Variants in MGAT4A observed in about 807,000 individuals in gnomAD.
MGAT4A encodes the protein alpha-1,3-mannosyl-glycoprotein 4-beta-N-acetylglucosaminyltransferase A, also known as N-acetylglucosaminyltransferase IVa.
A neutral mutation model predicts 74.1 loss-of-function variants in MGAT4A; 33 were observed. The observed-to-expected ratio is 0.45, with a 90% CI of 0.34 to 0.60. The LOEUF (loss-of-function observed/expected upper bound fraction) is 0.60, where lower values mean the gene tolerates loss of function less well. Ranked by LOEUF, MGAT4A falls within the 20% of genes least tolerant of loss-of-function variation. The pLI is 0.02. For synonymous variants in MGAT4A, 198 were observed against 210.4 expected, an observed-to-expected ratio of 0.94 and a Z score of 0.51; for missense variants, 479 against 628.3, an observed-to-expected ratio of 0.76 and a Z score of 2.54.
intron 8 of MGAT4A, among the ~76,000 whole-genome samples, chr2:98,653,304 A>C (rs1479012400): frequency 6.6e-6 from 1 of 151,128 alleles, no homozygotes; most frequent in Non-Finnish European, 1.5e-5. Flanking sequence ...GAAGGGAGAA[A>C]AAAAAATAAA....
intron 4 of MGAT4A, among the ~76,000 whole-genome samples, chr2:98,672,927 T>C (rs867727906): frequency 6.6e-6 from 1 of 152,214 alleles, no homozygotes; most frequent in Admixed American, 6.5e-5. Flanking sequence ...TTAAATCATA[T>C]TCAGTTTGTT....
At chr2:98,665,333 C>CA (rs3067257) in intron 4 of MGAT4A, among the ~76,000 whole-genome samples, 47,540 of 114,818 alleles carry the variant, frequency 0.41, 11,359 homozygotes, top group Non-Finnish European at 0.5. Flanking sequence ...CATCTCATCT[C>CA]AAAAAAAAAA....
chr2:98,724,042 A>G (rs762640660), intron 2 of MGAT4A, among the ~76,000 whole-genome samples: 1 of 152,216 alleles, frequency 6.6e-6, no homozygotes, highest in Non-Finnish European at 1.5e-5. Context: ...TATTGTTTCT[A>G]TCTAACTCTA....
intron 14 of MGAT4A, among the ~76,000 whole-genome samples, chr2:98,630,943 A>G (rs1701222449): frequency 6.6e-6 from 1 of 152,194 alleles, no homozygotes; most frequent in Admixed American, 6.5e-5. Context: ...GAAAGAAGAG[A>G]AAAAGTGAAG....
At chr2:98,711,561 T>C (rs1702519625) in intron 2 of MGAT4A, among the ~76,000 whole-genome samples, 1 of 152,122 alleles carries the variant, frequency 6.6e-6, no homozygotes, top group African/African-American at 2.4e-5. Flanking sequence ...ATAAATATGG[T>C]AGTTTTACAA....
intron 2 of MGAT4A, among the ~76,000 whole-genome samples, chr2:98,682,681 CGTGAA>C (rs1244832635): frequency 2.0e-5 from 3 of 150,960 alleles, no homozygotes; most frequent in Non-Finnish European, 3.0e-5. Flanking sequence ...TCACGTGCCT[CGTGAA>C]GTGAACCCCA....
intron 2 of MGAT4A, among the ~76,000 whole-genome samples, chr2:98,722,309 T>G (rs1227398977): frequency 6.6e-6 from 1 of 152,220 alleles, no homozygotes; most frequent in African/African-American, 2.4e-5. Flanking sequence ...GGACTATTAT[T>G]CAGCTGTAAG....
chr2:98,725,035 A>T (rs1310368006), intron 2 of MGAT4A, among the ~76,000 whole-genome samples: 1 of 152,234 alleles, frequency 6.6e-6, no homozygotes, highest in Non-Finnish European at 1.5e-5. Context: ...AGGTCTTGCC[A>T]CTGCACTCTA....
At chr2:98,672,179 A>G (rs1701920055) in intron 4 of MGAT4A, among the ~76,000 whole-genome samples, 1 of 152,082 alleles carries the variant, frequency 6.6e-6, no homozygotes, top group Non-Finnish European at 1.5e-5. Flanking sequence ...GCCAAACGTA[A>G]TTTCTCAGAG....
chr2:98,621,564 A>G lies in MGAT4A; in HGVS notation c.*4002T>C, dbSNP rs1701060972. 2.6e-6 allele frequency: 4 copies of G among 1,548,776 alleles called. No homozygotes were observed. The highest frequency in any genetic ancestry group is 3.9e-5 in the Admixed American group (2 of 50,752). On this transcript the variant is annotated 3_prime_UTR_variant, in exon 16 of 16. Transcript: ENST00000393487. Reference sequence around the variant, plus strand: ...CCCCAGACAGTCTTCCTTTTGCTACATAACATGATATAATCATGGATCAAA... The same window carrying G: ...CCCCAGACAGTCTTCCTTTTGCTACGTAACATGATATAATCATGGATCAAA...
At chr2:98,671,480 A>G (rs1200615389) in intron 4 of MGAT4A, among the ~76,000 whole-genome samples, 2 of 152,198 alleles carry the variant, frequency 1.3e-5, no homozygotes, top group African/African-American at 4.8e-5. Flanking sequence ...TCTGGCCTCA[A>G]CTTACATCTC....
chr2:98,727,947 G>A (rs143645592), intron 1 of MGAT4A, among the ~76,000 whole-genome samples: 1 of 152,112 alleles, frequency 6.6e-6, no homozygotes, highest in Non-Finnish European at 1.5e-5. Context: ...GAAAGAACTC[G>A]AATTTGTTTG....
chr2:98,669,132 G>A (rs1407396743), intron 4 of MGAT4A, among the ~76,000 whole-genome samples: 4 of 152,186 alleles, frequency 2.6e-5, no homozygotes, highest in Non-Finnish European at 5.9e-5. Context: ...GTTTTGAAAT[G>A]TGAGGACATG....
At position 98,697,946 on chromosome 2, in the gene MGAT4A, C is replaced by T. The variant is rs138688846; in HGVS notation, c.95-19475G>A. ...CACACAAAAGTGATTAGAAAGAGAG[C>T]GAATGTTAAAAAATTTTTCATTGAC... On this transcript the variant is annotated intron_variant, in intron 2 of 15. Coordinates refer to ENST00000393487, the MANE Select transcript of MGAT4A (RefSeq NM_012214.3). 2.5e-3 allele frequency among the ~76,000 whole-genome samples: 376 copies of T among 152,220 alleles called. 2 individuals carry two copies. Among genetic ancestry groups the T allele is most frequent in the African/African-American group, 8.7e-3 (360 of 41,526 alleles).
At chr2:98,654,266 C>T (rs1486224838) in intron 8 of MGAT4A, among the ~76,000 whole-genome samples, 1 of 152,070 alleles carries the variant, frequency 6.6e-6, no homozygotes, top group Non-Finnish European at 1.5e-5. Flanking sequence ...CAAGGAGTCC[C>T]ACTTTCACCA....
chr2:98,674,121 C>G (rs1701947885), intron 4 of MGAT4A, among the ~76,000 whole-genome samples: 1 of 152,144 alleles, frequency 6.6e-6, no homozygotes. Context: ...AATGTAAAAG[C>G]TTACATTTAT....
At chr2:98,684,783 C>T (rs1421119930) in intron 2 of MGAT4A, among the ~76,000 whole-genome samples, 5 of 152,152 alleles carry the variant, frequency 3.3e-5, no homozygotes, top group African/African-American at 1.2e-4. Context: ...TTCTTATCAG[C>T]AAGATGTACA....
intron 5 of MGAT4A, among the ~76,000 whole-genome samples, chr2:98,660,985 T>C (rs1701740785): frequency 1.3e-5 from 2 of 152,136 alleles, no homozygotes; most frequent in Admixed American, 1.3e-4. Flanking sequence ...TGACAACCTA[T>C]GGGTTAGGAG....
chr2:98,671,943 C>CAA (rs59955000), intron 4 of MGAT4A, among the ~76,000 whole-genome samples: 6,671 of 28,634 alleles, frequency 0.23, 1,719 homozygotes, highest in Non-Finnish European at 0.32. Context: ...GTGGAAAAGG[C>CAA]AAAAAAAAAA....
Sources: allele counts gnomAD v4.1 joint callset (sites outside exome capture counted in the v4.1 genomes callset), GRCh38; gene constraint gnomAD v4.1.1; transcripts MANE v1.5; gene names NCBI Gene and HGNC (gene_info 2026-07-23, HGNC 2026-07-21).